The following CERT1 variants were observed in gnomAD, a reference collection of about 807,000 sequenced individuals.
CERT1 encodes ceramide transfer protein.
CERT1 carries 31 observed loss-of-function variants against 87.9 expected under a neutral mutation model. The ratio of observed to expected loss-of-function variants is 0.35; its 90% CI spans 0.27 to 0.48. The LOEUF (loss-of-function observed/expected upper bound fraction) is 0.48, where lower values mean the gene tolerates loss of function less well. Among genes scored for constraint, CERT1 ranks in the 20% least tolerant of loss-of-function variants. CERT1 has a pLI of 0.99. For synonymous variants in CERT1, 289 were observed against 250.9 expected (o/e 1.15, Z -1.44); for missense variants, 487 against 758.0 (o/e 0.64, Z 4.20).
At chr5:75,370,330 G>C (rs1430971346) in intron 17 of CERT1, 1 of 152,146 alleles carries the variant, frequency 6.6e-6, no homozygotes, top group Non-Finnish European at 1.5e-5. Flanking sequence ...GGTTGTTCTA[G>C]GGCATAAATT....
Position 75,503,226 on chromosome 5 carries a change from G to A in CERT1, c.231+2756C>T, listed in dbSNP as rs79267908. Among the ~76,000 whole-genome samples, 577 of 152,002 alleles carry A rather than the reference G, an allele frequency of 3.8e-3. 28 individuals carry two copies. In the East Asian group the frequency reaches 0.067, roughly 18 times the overall value. On this transcript the variant is annotated intron_variant, in intron 2 of 16. Coordinates refer to ENST00000643780, the MANE Select transcript of CERT1 (RefSeq NM_001379029.1). ...GTCCACCAACAAATAATATAGTAAT[G>A]AATGGTTACAGTAAAGTCACATCAA...
downstream of CERT1, chr5:75,374,945 G>A: frequency 3.7e-6 from 1 of 271,248 alleles, no homozygotes; most frequent in South Asian, 3.9e-5. Context: ...GACCAAGTGT[G>A]AAGTGACACA....
chr5:75,496,223 A>C (rs1767059355), intron 2 of CERT1, among the ~76,000 whole-genome samples: 2 of 151,960 alleles, frequency 1.3e-5, no homozygotes, highest in South Asian at 4.2e-4. Context: ...ATTAGTCATT[A>C]GGGAAATGCA....
chr5:75,412,071 A>G (rs941771774), intron 7 of CERT1, among the ~76,000 whole-genome samples: 5 of 152,232 alleles, frequency 3.3e-5, no homozygotes, highest in African/African-American at 1.2e-4. Context: ...TATTTCCACA[A>G]CAATGGGGTT....
chr5:75,498,002 C>T (rs1159626360), intron 2 of CERT1, among the ~76,000 whole-genome samples: 1 of 152,080 alleles, frequency 6.6e-6, no homozygotes, highest in African/African-American at 2.4e-5. Context: ...CAATGAAGTC[C>T]AGGGTGAGGT....
intron 16 of CERT1, 82 bp from the exon 17 acceptor site, chr5:75,379,555 T>G: frequency 7.7e-7 from 1 of 1,297,756 alleles, no homozygotes; most frequent in Non-Finnish European, 1.1e-6. Flanking sequence ...TCCCTTGTTT[T>G]TAAAATATTC....
rs558399448 is a variant in CERT1 at position 75,454,903 on chromosome 5, CAT to C, written c.348+4160_348+4161del. 1.4e-3 allele frequency among the ~76,000 whole-genome samples: 218 copies of C among 152,276 alleles called. 1 individual carries two copies. The highest frequency in any genetic ancestry group is 5.1e-3 in the African/African-American group (210 of 41,562). On this transcript the variant is annotated intron_variant, in intron 3 of 16. Transcript: ENST00000643780. ...GAACCATTTCTTGATCGGATTGTGACATGTGACGAAAAGTGGATTTTATACAG... is the reference window on the plus strand; with the variant it reads ...GAACCATTTCTTGATCGGATTGTGACGTGACGAAAAGTGGATTTTATACAG...
chr5:75,495,879 C>T (rs1017434460), intron 2 of CERT1, among the ~76,000 whole-genome samples: 10 of 151,678 alleles, frequency 6.6e-5, no homozygotes, highest in Non-Finnish European at 1.3e-4. Context: ...ATGTAACTAA[C>T]CTGCACATTG....
chr5:75,382,864 T>A (rs965270153), intron 14 of CERT1, among the ~76,000 whole-genome samples: 1 of 151,988 alleles, frequency 6.6e-6, no homozygotes, highest in East Asian at 1.9e-4. Context: ...TTGGGTAAAT[T>A]GTGTGGAGAC....
intron 5 of CERT1, 100 bp downstream of exon 5, chr5:75,425,261 T>C: frequency 8.4e-7 from 1 of 1,194,698 alleles, no homozygotes; most frequent in Non-Finnish European, 1.2e-6. Flanking sequence ...AAAAAATGAC[T>C]ATAAACACCT....
intron 8 of CERT1, among the ~76,000 whole-genome samples, chr5:75,410,153 T>TC (rs1228669978): frequency 2.6e-5 from 4 of 152,162 alleles, no homozygotes; most frequent in African/African-American, 9.7e-5. Context: ...CACATTTTTT[T>TC]CTCTTAATAT....
intron 2 of CERT1, among the ~76,000 whole-genome samples, chr5:75,493,543 T>C (rs1362322208): frequency 6.6e-6 from 1 of 152,236 alleles, no homozygotes; most frequent in Non-Finnish European, 1.5e-5. Context: ...TCCACAGTCA[T>C]TTTGAATCCT....
At chr5:75,481,153 A>G (rs1278101330) in intron 2 of CERT1, among the ~76,000 whole-genome samples, 1 of 151,702 alleles carries the variant, frequency 6.6e-6, no homozygotes, top group African/African-American at 2.4e-5. Context: ...CCCCGTGTCT[A>G]CTCTGCTCCA....
chr5:75,369,960 T>C (rs1761026400), intron 17 of CERT1: 1 of 152,232 alleles, frequency 6.6e-6, no homozygotes, highest in Admixed American at 6.5e-5. Context: ...CAAGTTCGAA[T>C]AATGGCAAGA....
intron 2 of CERT1, among the ~76,000 whole-genome samples, chr5:75,494,975 G>C (rs888754706): frequency 1.3e-5 from 2 of 152,148 alleles, no homozygotes; most frequent in African/African-American, 4.8e-5. Flanking sequence ...TTATGAAACT[G>C]GGTTTATATG....
intron 2 of CERT1, among the ~76,000 whole-genome samples, chr5:75,463,062 A>G (rs2112326616): frequency 6.6e-6 from 1 of 151,946 alleles, no homozygotes; most frequent in East Asian, 1.9e-4. Context: ...TGAAAGAAAT[A>G]TAATAATGTA....
intron 2 of CERT1, among the ~76,000 whole-genome samples, chr5:75,486,179 G>A: frequency 6.6e-6 from 1 of 152,012 alleles, no homozygotes; most frequent in East Asian, 1.9e-4. Flanking sequence ...TTTATCCCAG[G>A]GATGCAAGGA....
At chr5:75,402,010 T>C (rs1427924097) in intron 9 of CERT1, 1 of 152,246 alleles carries the variant, frequency 6.6e-6, no homozygotes, top group Admixed American at 6.5e-5. Context: ...AAGTACCATC[T>C]AGTTGTAACG....
At chr5:75,400,404 TAGTG>T (rs1762422007) in intron 9 of CERT1, 107 bp from the exon 10 acceptor site, 12 of 714,088 alleles carry the variant, frequency 1.7e-5, no homozygotes, top group Admixed American at 2.6e-5. Flanking sequence ...GTGAACGCCT[TAGTG>T]CTTATAACCA....
Sources: allele counts gnomAD v4.1 joint callset (sites outside exome capture counted in the v4.1 genomes callset), GRCh38; gene constraint gnomAD v4.1.1; transcripts MANE v1.5; gene names NCBI Gene and HGNC (gene_info 2026-07-23, HGNC 2026-07-21).